PTPRD: variants seen among roughly 807,000 people sequenced by gnomAD.
PTPRD encodes the protein receptor-type tyrosine-protein phosphatase delta.
PTPRD carries 34 observed loss-of-function variants against 214.5 expected under a neutral mutation model. The ratio of observed to expected loss-of-function variants is 0.16; its 90% CI spans 0.12 to 0.21. The LOEUF is 0.21. PTPRD is among the 10% of genes least tolerant of loss of function. PTPRD has a pLI of 1.00. For missense variants in PTPRD, 2,545 were observed against 2,398.7 expected (o/e 1.06, Z -1.27); for synonymous variants, 1,128 against 845.7 (o/e 1.33, Z -5.79).
chr9:9,215,641 G>A (rs1303977110), intron 9 of PTPRD, among the ~76,000 whole-genome samples: 1 of 152,042 alleles, frequency 6.6e-6, no homozygotes, highest in East Asian at 1.9e-4. Flanking sequence ...TGGGACGAAG[G>A]GAGCAGCTCC....
At chr9:10,606,214 C>A (rs1245662713) in intron 2 of PTPRD, among the ~76,000 whole-genome samples, 1 of 151,766 alleles carries the variant, frequency 6.6e-6, no homozygotes, top group Admixed American at 6.6e-5. Flanking sequence ...ATCTGATGAC[C>A]ACCTAACCCC....
At chr9:10,184,014 G>A (rs560103929) in intron 3 of PTPRD, among the ~76,000 whole-genome samples, 6 of 152,100 alleles carry the variant, frequency 3.9e-5, no homozygotes, top group Admixed American at 2.6e-4. Context: ...TCACATGCAC[G>A]TATACATCTC....
intron 2 of PTPRD, among the ~76,000 whole-genome samples, chr9:10,575,935 T>A (rs1443837338): frequency 6.6e-6 from 1 of 152,160 alleles, no homozygotes; most frequent in Non-Finnish European, 1.5e-5. Flanking sequence ...GGGAATTATT[T>A]TTTTTAAGAG....
rs190030572 is a variant in PTPRD at position 9,042,649 on chromosome 9, C to T, written c.-142-23914G>A. Among the ~76,000 whole-genome samples, 17 of 127,702 alleles carry T rather than the reference C, an allele frequency of 1.3e-4. No homozygotes were observed. The South Asian group carries it at 4.3e-3, about 32-fold the overall frequency. 83.8% of individuals were successfully genotyped at this position (127,702 alleles called of 152,430 possible). On this transcript the variant is annotated intron_variant, in intron 10 of 45. Transcript: ENST00000381196. Reference sequence around the variant, plus strand: ...TTTTTTTTTTTGGTCTATTCAACATCTGAGCCTCCTTAGGAGGCTTTTAGG... The same window carrying T: ...TTTTTTTTTTTGGTCTATTCAACATTTGAGCCTCCTTAGGAGGCTTTTAGG...
intron 14 of PTPRD, among the ~76,000 whole-genome samples, chr9:8,556,108 C>T (rs766709496): frequency 2.0e-5 from 3 of 152,188 alleles, no homozygotes; most frequent in Non-Finnish European, 4.4e-5. Flanking sequence ...AGCTCTCTCG[C>T]CCTGCTTAAG....
intron 4 of PTPRD, among the ~76,000 whole-genome samples, chr9:9,978,801 G>T (rs976976450): frequency 6.6e-6 from 1 of 151,908 alleles, no homozygotes; most frequent in African/African-American, 2.4e-5. Flanking sequence ...ACAGATCGAA[G>T]AGTACAGGTA....
At chr9:10,131,387 A>G (rs2098881438) in intron 3 of PTPRD, among the ~76,000 whole-genome samples, 1 of 152,188 alleles carries the variant, frequency 6.6e-6, no homozygotes, top group Non-Finnish European at 1.5e-5. Flanking sequence ...GTAAGAGAGT[A>G]TTCAACCATT....
intron 34 of PTPRD, among the ~76,000 whole-genome samples, chr9:8,438,053 G>T (rs1202059366): frequency 2.0e-5 from 3 of 152,180 alleles, no homozygotes; most frequent in East Asian, 1.9e-4. Flanking sequence ...AGCAGGAAAA[G>T]AATGAGGGAG....
intron 3 of PTPRD, among the ~76,000 whole-genome samples, chr9:10,246,278 T>C (rs977636131): frequency 6.6e-6 from 1 of 152,182 alleles, no homozygotes; most frequent in Non-Finnish European, 1.5e-5. Flanking sequence ...AGTTTCGCTC[T>C]TGTTGCCCCG....
chr9:10,465,550 A>C (rs1414458207), intron 2 of PTPRD, among the ~76,000 whole-genome samples: 1 of 152,164 alleles, frequency 6.6e-6, no homozygotes, highest in African/African-American at 2.4e-5. Flanking sequence ...ATTATACCGG[A>C]ACTGAAAAAT....
At chr9:10,014,082 T>C (rs2096653374) in intron 4 of PTPRD, among the ~76,000 whole-genome samples, 1 of 152,000 alleles carries the variant, frequency 6.6e-6, no homozygotes, top group African/African-American at 2.4e-5. Flanking sequence ...CATTTTCAGT[T>C]GCCAACTAGA....
intron 3 of PTPRD, among the ~76,000 whole-genome samples, chr9:10,283,803 G>T (rs1596119769): frequency 6.6e-6 from 1 of 152,212 alleles, no homozygotes; most frequent in Admixed American, 6.5e-5. Context: ...CTTATGCTTT[G>T]CAACACTACA....
At chr9:9,540,844 A>C (rs1350047788) in intron 8 of PTPRD, among the ~76,000 whole-genome samples, 1 of 151,798 alleles carries the variant, frequency 6.6e-6, no homozygotes, top group Admixed American at 6.6e-5. Flanking sequence ...ATGAAATATA[A>C]GTAGTGACAT....
At chr9:9,543,178 T>C (rs912763805) in intron 8 of PTPRD, among the ~76,000 whole-genome samples, 1 of 151,720 alleles carries the variant, frequency 6.6e-6, no homozygotes, top group Non-Finnish European at 1.5e-5. Context: ...AAACATTTTG[T>C]TGAGCAAAAT....
At chr9:9,683,242 G>C (rs767686199) in intron 7 of PTPRD, among the ~76,000 whole-genome samples, 1 of 151,764 alleles carries the variant, frequency 6.6e-6, no homozygotes, top group Non-Finnish European at 1.5e-5. Flanking sequence ...AGCTGAACAT[G>C]AAGTATTAGT....
At chr9:10,510,028 A>G (rs948598316) in intron 2 of PTPRD, among the ~76,000 whole-genome samples, 5 of 152,070 alleles carry the variant, frequency 3.3e-5, no homozygotes, top group Non-Finnish European at 5.9e-5. Flanking sequence ...TATATTTAAT[A>G]CTTTGCTCAG....
At chr9:8,895,604 C>T (rs1043267038) in intron 11 of PTPRD, among the ~76,000 whole-genome samples, 5 of 152,122 alleles carry the variant, frequency 3.3e-5, no homozygotes, top group African/African-American at 7.2e-5. Flanking sequence ...CTCCTCTCCC[C>T]GATATGTGTG....
chr9:9,633,188 A>G (rs2095647264), intron 7 of PTPRD, among the ~76,000 whole-genome samples: 2 of 152,004 alleles, frequency 1.3e-5, no homozygotes, highest in African/African-American at 4.8e-5. Context: ...CCAGCTACTC[A>G]GGAGGCTGAA....
intron 2 of PTPRD, among the ~76,000 whole-genome samples, chr9:10,475,683 A>C (rs940850328): frequency 9.2e-5 from 14 of 152,082 alleles, no homozygotes; most frequent in African/African-American, 3.4e-4. Flanking sequence ...CTAGTAAAGA[A>C]AATTTCAGGC....
Sources: gnomAD v4.1 joint callset for allele counts (sites outside exome capture counted in the v4.1 genomes callset) on GRCh38, gnomAD v4.1.1 for gene constraint, MANE v1.5 for transcripts, NCBI Gene and HGNC (gene_info 2026-07-23, HGNC 2026-07-21) for gene names.